CSMD3: variants seen among roughly 807,000 people sequenced by gnomAD.
The protein encoded by CSMD3 is CUB and Sushi multiple domains 3, also known as CUB and sushi domain-containing protein 3.
CSMD3 carries 177 observed loss-of-function variants against 435.2 expected under a neutral mutation model. The observed-to-expected ratio is 0.41, with a 90% CI of 0.36 to 0.46. CSMD3 has a LOEUF of 0.46. Among genes scored for constraint, CSMD3 ranks in the 20% least tolerant of loss-of-function variants. The probability of loss-of-function intolerance (pLI) is 0.34; values close to 1 mark genes in which losing one functional copy is unlikely to be tolerated. For synonymous variants in CSMD3, 1,656 were observed against 1,520.5 expected, an observed-to-expected ratio of 1.09 and a Z score of -2.07; for missense variants, 4,265 against 4,504.6, an observed-to-expected ratio of 0.95 and a Z score of 1.52.
At chr8:113,300,144 A>G (rs1201955818) in intron 2 of CSMD3, among the ~76,000 whole-genome samples, 1 of 126,560 alleles carries the variant, frequency 7.9e-6, no homozygotes, top group Non-Finnish European at 1.6e-5. Context: ...ACAGAGTGAG[A>G]CTCTGTCTCA....
At chr8:113,426,202 C>A (rs1484441319) in intron 1 of CSMD3, among the ~76,000 whole-genome samples, 1 of 151,340 alleles carries the variant, frequency 6.6e-6, no homozygotes, top group Non-Finnish European at 1.5e-5. Flanking sequence ...AAATTCATTA[C>A]TAACATTTAG....
chr8:112,856,398 T>C (rs11994955), intron 11 of CSMD3, among the ~76,000 whole-genome samples: 7,731 of 151,946 alleles, frequency 0.051, 662 homozygotes, highest in African/African-American at 0.17. Flanking sequence ...TAATGAAATA[T>C]AGAAGAAAAT....
chr8:113,170,103 C>T (rs1037257923), intron 4 of CSMD3, among the ~76,000 whole-genome samples: 12 of 152,118 alleles, frequency 7.9e-5, no homozygotes, highest in African/African-American at 2.7e-4. Context: ...AGAGACTCTA[C>T]GTAAACTCCA....
intron 1 of CSMD3, among the ~76,000 whole-genome samples, chr8:113,434,911 A>G (rs1207765407): frequency 6.6e-6 from 1 of 151,994 alleles, no homozygotes; most frequent in Non-Finnish European, 1.5e-5. Context: ...GTTTTGGCTC[A>G]ACAGGTATCA....
intron 67 of CSMD3, among the ~76,000 whole-genome samples, chr8:112,236,607 T>C (rs1242229719): frequency 6.6e-6 from 1 of 152,096 alleles, no homozygotes; most frequent in Non-Finnish European, 1.5e-5. Context: ...ATTGGGAGTA[T>C]TGCTTGAGGA....
intron 4 of CSMD3, among the ~76,000 whole-genome samples, chr8:113,137,522 A>G (rs767858273): frequency 4.6e-5 from 7 of 151,670 alleles, no homozygotes; most frequent in Non-Finnish European, 1.0e-4. Context: ...TTTATTTCCC[A>G]TAGTTTTGGA....
Position 112,980,843 on chromosome 8 carries a change from TCTG to T in CSMD3, c.1031-4698_1031-4696del, listed in dbSNP as rs544118657. Among the ~76,000 whole-genome samples, 729 of 151,688 alleles carry T rather than the reference TCTG, an allele frequency of 4.8e-3. 3 individuals are homozygous for T. The highest frequency in any genetic ancestry group is 8.1e-3 in the Non-Finnish European group (550 of 67,572). On this transcript the variant is annotated intron_variant, in intron 6 of 70. Coordinates refer to ENST00000297405, the MANE Select transcript of CSMD3 (RefSeq NM_198123.2). ...AGGTATTAATTTCAGTATTTTAAAATCTGGCTACCATAGTATTCAACAGTTCAA... is the reference window on the plus strand; with the variant it reads ...AGGTATTAATTTCAGTATTTTAAAATGCTACCATAGTATTCAACAGTTCAA...
chr8:112,667,406 C>T (rs2075551907), intron 16 of CSMD3, among the ~76,000 whole-genome samples: 1 of 152,296 alleles, frequency 6.6e-6, no homozygotes, highest in Non-Finnish European at 1.5e-5. Flanking sequence ...CAAGCTCACT[C>T]TTATTTCTCT....
chr8:113,253,254 G>A (rs1043395868), intron 3 of CSMD3, among the ~76,000 whole-genome samples: 1 of 151,676 alleles, frequency 6.6e-6, no homozygotes, highest in East Asian at 1.9e-4. Context: ...TAATCTTTAA[G>A]TTCTAGGATA....
At position 113,222,809 on chromosome 8, in the gene CSMD3, T is replaced by G. The variant is rs532245570; in HGVS notation, c.515-48893A>C. On this transcript the variant is annotated intron_variant, in intron 3 of 70. Transcript: ENST00000297405. The stretch of plus-strand genomic sequence containing the variant: ...TTTTATAATGATTCCCATGGCTTTA[T>G]AGACAATTTGACATACTTTCAAAGA... 5.3e-5 allele frequency among the ~76,000 whole-genome samples: 8 copies of G among 151,214 alleles called. No homozygotes were observed. The East Asian group carries it at 1.6e-3, about 29-fold the overall frequency.
chr8:112,345,871 A>G (rs1744242090), intron 41 of CSMD3, among the ~76,000 whole-genome samples: 1 of 152,140 alleles, frequency 6.6e-6, no homozygotes. Flanking sequence ...GAGTAAAAAA[A>G]AAATATGCCC....
intron 1 of CSMD3, among the ~76,000 whole-genome samples, chr8:113,315,945 C>T (rs1453772985): frequency 6.6e-6 from 1 of 151,986 alleles, no homozygotes; most frequent in East Asian, 1.9e-4. Flanking sequence ...TCTCGAACTC[C>T]TGACCTCAGG....
chr8:112,626,828 T>C (rs1054428994), intron 22 of CSMD3, among the ~76,000 whole-genome samples: 1 of 152,168 alleles, frequency 6.6e-6, no homozygotes, highest in African/African-American at 2.4e-5. Flanking sequence ...ATACAGAATA[T>C]TGAACTACAC....
chr8:112,600,958 C>T (rs888496836), intron 22 of CSMD3, among the ~76,000 whole-genome samples: 1 of 151,938 alleles, frequency 6.6e-6, no homozygotes, highest in East Asian at 1.9e-4. Flanking sequence ...CGTGAGCCAC[C>T]GCGCCCGGTC....
At chr8:112,662,287 A>C (rs1470086344) in intron 17 of CSMD3, among the ~76,000 whole-genome samples, 1 of 152,242 alleles carries the variant, frequency 6.6e-6, no homozygotes, top group Non-Finnish European at 1.5e-5. Flanking sequence ...ACAAGGCTAC[A>C]GTAACCAAAA....
At chr8:112,557,112 G>T (rs760811073) in intron 24 of CSMD3, among the ~76,000 whole-genome samples, 158 bp from the exon 25 acceptor site, 4 of 151,732 alleles carry the variant, frequency 2.6e-5, no homozygotes, top group Non-Finnish European at 4.4e-5. Flanking sequence ...CAACAACCAT[G>T]CAGACCTTTT....
intron 45 of CSMD3, among the ~76,000 whole-genome samples, chr8:112,329,010 T>C (rs1413313398): frequency 6.6e-6 from 1 of 152,206 alleles, no homozygotes; most frequent in Non-Finnish European, 1.5e-5. Flanking sequence ...CAGAAACTAT[T>C]GTGAAACAAA....
At chr8:113,409,076 C>G (rs2094546145) in intron 1 of CSMD3, among the ~76,000 whole-genome samples, 1 of 132,582 alleles carries the variant, frequency 7.5e-6, no homozygotes, top group Admixed American at 8.7e-5. Context: ...TCTTCTTCTT[C>G]TTCTTTTTTT....
At chr8:112,599,631 A>G (rs902633360) in intron 22 of CSMD3, among the ~76,000 whole-genome samples, 25 of 151,916 alleles carry the variant, frequency 1.6e-4, no homozygotes, top group African/African-American at 6.0e-4. Flanking sequence ...AATGTCCAAC[A>G]GTGATAAACT....
Sources: allele counts gnomAD v4.1 joint callset (sites outside exome capture counted in the v4.1 genomes callset), GRCh38; gene constraint gnomAD v4.1.1; transcripts MANE v1.5; gene names NCBI Gene and HGNC (gene_info 2026-07-23, HGNC 2026-07-21).